The following OTOGL variants were observed in gnomAD, a reference collection of about 807,000 sequenced individuals.
OTOGL encodes the protein otogelin-like protein.
OTOGL carries 285 observed loss-of-function variants against 318.5 expected under a neutral mutation model. The ratio of observed to expected loss-of-function variants is 0.89; its 90% CI spans 0.81 to 0.99. The LOEUF is 0.99. OTOGL is among the 50% of genes least tolerant of loss of function. The probability of loss-of-function intolerance (pLI) is 0.00; values close to 1 mark genes in which losing one functional copy is unlikely to be tolerated. For missense variants in OTOGL, 2,899 were observed against 2,845.6 expected (o/e 1.02, Z -0.43); for synonymous variants, 987 against 936.5 (o/e 1.05, Z -0.99).
At chr12:80,308,046 G>T (rs1328810763) in intron 29 of OTOGL, among the ~76,000 whole-genome samples, 2 of 143,006 alleles carry the variant, frequency 1.4e-5, no homozygotes, top group Non-Finnish European at 1.5e-5. Context: ...CGCGCGGGGG[G>T]CTGATCCCCC....
At chr12:80,345,238 TA>T (rs1566001430) in intron 44 of OTOGL, among the ~76,000 whole-genome samples, 2 of 138,490 alleles carry the variant, frequency 1.4e-5, no homozygotes, top group African/African-American at 2.7e-5. Flanking sequence ...TATATATATA[TA>T]TTTTTTTGAA....
chr12:80,341,841 A>G (rs1888787667), intron 43 of OTOGL, 107 bp from the exon 44 acceptor site: 1 of 762,292 alleles, frequency 1.3e-6, no homozygotes, highest in African/African-American at 1.8e-5. Flanking sequence ...TTGGTACCTT[A>G]TATGGTAAAT....
chr12:80,342,824 A>G (rs1888867105), intron 44 of OTOGL, among the ~76,000 whole-genome samples: 1 of 152,154 alleles, frequency 6.6e-6, no homozygotes, highest in African/African-American at 2.4e-5. Context: ...TAAAGTGTAC[A>G]TTATAGAGGT....
chr12:80,265,836 A>T (rs1389673122), intron 20 of OTOGL: 1 of 152,984 alleles, frequency 6.5e-6, no homozygotes, highest in Non-Finnish European at 1.5e-5. Flanking sequence ...GCTGGTGTTG[A>T]CGTTAATTGC....
At chr12:80,160,491 T>C (rs1873435953) in intron 1 of OTOGL, among the ~76,000 whole-genome samples, 1 of 152,062 alleles carries the variant, frequency 6.6e-6, no homozygotes, top group South Asian at 2.1e-4. Flanking sequence ...ATGCTCAACA[T>C]CACTAATTAA....
At chr12:80,308,159 T>A (rs1886347730) in intron 29 of OTOGL, among the ~76,000 whole-genome samples, 2 of 145,952 alleles carry the variant, frequency 1.4e-5, no homozygotes, top group South Asian at 4.4e-4. Flanking sequence ...CACCCCCACC[T>A]CCCTCCCGGA....
At chr12:80,148,685 G>T (rs897008669) in intron 1 of OTOGL, among the ~76,000 whole-genome samples, 1 of 152,112 alleles carries the variant, frequency 6.6e-6, no homozygotes, top group African/African-American at 2.4e-5. Flanking sequence ...TCACTTTCAG[G>T]TACACGAATC....
chr12:80,300,510 T>C (rs1184033192), intron 27 of OTOGL, among the ~76,000 whole-genome samples: 1 of 152,132 alleles, frequency 6.6e-6, no homozygotes, highest in East Asian at 1.9e-4. Flanking sequence ...CTCATTGAAC[T>C]TCACTGACAA....
intron 14 of OTOGL, among the ~76,000 whole-genome samples, chr12:80,254,210 A>G (rs1881820474): frequency 6.6e-6 from 1 of 151,932 alleles, no homozygotes; most frequent in South Asian, 2.1e-4. Context: ...ATAAGAGGAG[A>G]TCTCTTCTCT....
intron 22 of OTOGL, among the ~76,000 whole-genome samples, chr12:80,269,081 T>A (rs1249668021): frequency 6.6e-6 from 1 of 152,038 alleles, no homozygotes; most frequent in East Asian, 1.9e-4. Context: ...ATTCAAAGTG[T>A]GAGCAAATTC....
chr12:80,227,788 C>T (rs1592574335), intron 7 of OTOGL, among the ~76,000 whole-genome samples: 1 of 152,198 alleles, frequency 6.6e-6, no homozygotes, highest in East Asian at 1.9e-4. Flanking sequence ...TCCCATATGG[C>T]TTTCTCTCTC....
chr12:80,368,029 C>G (rs999496031), intron 54 of OTOGL, among the ~76,000 whole-genome samples, 176 bp from the exon 55 acceptor site: 1 of 152,094 alleles, frequency 6.6e-6, no homozygotes, highest in Non-Finnish European at 1.5e-5. Context: ...ATCTATCTCA[C>G]TTCTAATATA....
At chr12:80,190,979 C>T (rs1415369297) in intron 1 of OTOGL, among the ~76,000 whole-genome samples, 2 of 152,024 alleles carry the variant, frequency 1.3e-5, no homozygotes, top group Non-Finnish European at 2.9e-5. Context: ...CTCAGGCAGG[C>T]GAATTCACTG....
At chr12:80,304,589 C>T (rs1885988538) in intron 28 of OTOGL, among the ~76,000 whole-genome samples, 1 of 152,104 alleles carries the variant, frequency 6.6e-6, no homozygotes, top group Non-Finnish European at 1.5e-5. Flanking sequence ...TATAGTCTTT[C>T]AGTCTTAAGG....
At chr12:80,330,607 G>T (rs956358719) in intron 37 of OTOGL, among the ~76,000 whole-genome samples, 3 of 152,162 alleles carry the variant, frequency 2.0e-5, no homozygotes, top group African/African-American at 4.8e-5. Context: ...TCTCAAATGT[G>T]TAAAATGATT....
chr12:80,110,126 G>A (rs1869745283), intron 1 of OTOGL, among the ~76,000 whole-genome samples: 1 of 146,630 alleles, frequency 6.8e-6, no homozygotes, highest in African/African-American at 2.5e-5. Context: ...GGAGTGCAGT[G>A]GCACCATCTC....
At chr12:80,184,846 T>C (rs2137247635) in intron 1 of OTOGL, among the ~76,000 whole-genome samples, 1 of 152,306 alleles carries the variant, frequency 6.6e-6, no homozygotes, top group South Asian at 2.1e-4. Flanking sequence ...GCTCCTTGGC[T>C]TCTCCCTCCC....
At chr12:80,271,381 T>G (rs1199569989) in intron 23 of OTOGL, among the ~76,000 whole-genome samples, 1 of 152,124 alleles carries the variant, frequency 6.6e-6, no homozygotes, top group East Asian at 1.9e-4. Flanking sequence ...CATTGTAGCT[T>G]TGTAAAAGCC....
intron 1 of OTOGL, among the ~76,000 whole-genome samples, chr12:80,143,172 C>A (rs1014716673): frequency 1.3e-5 from 2 of 152,118 alleles, no homozygotes. Context: ...ATACATTTTG[C>A]AGCAGAAGTA....
Sources: gnomAD v4.1 joint callset for allele counts (sites outside exome capture counted in the v4.1 genomes callset) on GRCh38, gnomAD v4.1.1 for gene constraint, MANE v1.5 for transcripts, NCBI Gene and HGNC (gene_info 2026-07-23, HGNC 2026-07-21) for gene names.